GRIK2: variants seen among roughly 807,000 people sequenced by gnomAD.
GRIK2 encodes the protein glutamate receptor ionotropic, kainate 2.
In GRIK2, 32 loss-of-function variants were observed where a neutral mutation model predicts 100.3. The observed-to-expected ratio is 0.32, with a 90% CI of 0.24 to 0.43. The LOEUF is 0.43. Ranked by LOEUF, GRIK2 falls within the 20% of genes least tolerant of loss-of-function variation. The pLI, the probability that GRIK2 is intolerant of heterozygous loss-of-function variation, is 1.00. For missense variants in GRIK2, 843 were observed against 1,114.9 expected, an observed-to-expected ratio of 0.76 and a Z score of 3.47; for synonymous variants, 417 against 389.4, an observed-to-expected ratio of 1.07 and a Z score of -0.83.
intron 4 of GRIK2, among the ~76,000 whole-genome samples, chr6:101,649,765 G>C (rs1781702263): frequency 6.6e-6 from 1 of 152,096 alleles, no homozygotes; most frequent in Non-Finnish European, 1.5e-5. Flanking sequence ...AGGGAAATTA[G>C]ACCAGGTGCC....
chr6:101,521,681 A>G (rs1319520313), intron 2 of GRIK2, among the ~76,000 whole-genome samples: 2 of 151,938 alleles, frequency 1.3e-5, no homozygotes, highest in African/African-American at 2.4e-5. Context: ...TAAAACAATT[A>G]TGCAGAGGAT....
intron 10 of GRIK2, among the ~76,000 whole-genome samples, chr6:101,850,470 A>G (rs1277817378): frequency 6.6e-6 from 1 of 152,042 alleles, no homozygotes. Flanking sequence ...TGAGTAAGAC[A>G]CTGATATCTC....
chr6:101,904,095 C>T (rs897135322), intron 12 of GRIK2, among the ~76,000 whole-genome samples: 5 of 151,116 alleles, frequency 3.3e-5, no homozygotes, highest in African/African-American at 9.7e-5. Flanking sequence ...TCTATTATCT[C>T]TAATTTTATG....
At chr6:101,758,781 CT>C (rs1008145035) in intron 7 of GRIK2, among the ~76,000 whole-genome samples, 160 of 152,174 alleles carry the variant, frequency 1.1e-3, no homozygotes, top group Non-Finnish European at 1.7e-3. Context: ...GGGAATCATT[CT>C]TTTTTTGAAA....
chr6:101,791,148 C>G (rs1049248273), intron 7 of GRIK2, among the ~76,000 whole-genome samples: 42 of 152,038 alleles, frequency 2.8e-4, no homozygotes, highest in African/African-American at 1.0e-3. Flanking sequence ...TTGATCCTTT[C>G]AAAAAACCAG....
intron 2 of GRIK2, among the ~76,000 whole-genome samples, chr6:101,534,522 T>C (rs1342159638): frequency 6.6e-6 from 1 of 151,902 alleles, no homozygotes; most frequent in Non-Finnish European, 1.5e-5. Flanking sequence ...TTATGTGAGA[T>C]GCATTCCTAA....
At chr6:101,561,876 G>A (rs1777036867) in intron 2 of GRIK2, among the ~76,000 whole-genome samples, 1 of 152,188 alleles carries the variant, frequency 6.6e-6, no homozygotes, top group Admixed American at 6.5e-5. Context: ...GGCACCGAGT[G>A]AAGGTGTCCA....
intron 10 of GRIK2, among the ~76,000 whole-genome samples, chr6:101,844,550 G>T (rs1266526173): frequency 1.3e-5 from 2 of 152,098 alleles, no homozygotes; most frequent in African/African-American, 4.8e-5. Flanking sequence ...TTGCTCATAA[G>T]CACTAGTAAA....
chr6:101,456,523 A>G (rs1480662529), intron 2 of GRIK2, among the ~76,000 whole-genome samples: 1 of 152,136 alleles, frequency 6.6e-6, no homozygotes, highest in East Asian at 1.9e-4. Flanking sequence ...TCTGAAATAA[A>G]CATTTTCTAT....
At chr6:101,935,715 A>G (rs984656502) in intron 14 of GRIK2, among the ~76,000 whole-genome samples, 4 of 151,996 alleles carry the variant, frequency 2.6e-5, no homozygotes, top group Non-Finnish European at 4.4e-5. Flanking sequence ...CTACCCTATA[A>G]TATTTAGTGA....
intron 10 of GRIK2, among the ~76,000 whole-genome samples, chr6:101,852,636 TA>T (rs1308488913): frequency 6.6e-6 from 1 of 152,192 alleles, no homozygotes; most frequent in African/African-American, 2.4e-5. Context: ...AAGGCTTACA[TA>T]TAAATCATCA....
intron 9 of GRIK2, among the ~76,000 whole-genome samples, chr6:101,810,759 C>T (rs779193457): frequency 1.3e-5 from 2 of 151,990 alleles, no homozygotes; most frequent in Admixed American, 1.3e-4. Context: ...CTCTACTTTT[C>T]ATTTAACTAT....
chr6:101,554,578 C>T (rs1776654894), intron 2 of GRIK2, among the ~76,000 whole-genome samples: 1 of 152,084 alleles, frequency 6.6e-6, no homozygotes, highest in Non-Finnish European at 1.5e-5. Context: ...GGTTAGGTGA[C>T]CTCTGAGAAC....
At chr6:101,842,393 C>T (rs1227424951) in intron 10 of GRIK2, among the ~76,000 whole-genome samples, 2 of 152,096 alleles carry the variant, frequency 1.3e-5, no homozygotes, top group African/African-American at 4.8e-5. Flanking sequence ...ATTTAACTGA[C>T]TGACTTGGGA....
chr6:101,832,978 G>A (rs114640198), intron 10 of GRIK2, among the ~76,000 whole-genome samples: 19 of 152,038 alleles, frequency 1.2e-4, no homozygotes, highest in Non-Finnish European at 1.5e-4. Context: ...TTAAAATAAC[G>A]TTAAAGGAGA....
chr6:101,963,598 C>A (rs1223047), intron 14 of GRIK2, among the ~76,000 whole-genome samples: 1 of 146,416 alleles, frequency 6.8e-6, no homozygotes. Context: ...GTGATCCACC[C>A]GCCTCGCCCT....
chr6:101,735,320 G>T (rs890044092), intron 7 of GRIK2, among the ~76,000 whole-genome samples: 6 of 152,236 alleles, frequency 3.9e-5, no homozygotes, highest in Non-Finnish European at 8.8e-5. Flanking sequence ...GGCTCCTATT[G>T]TATTCAATAT....
chr6:101,870,981 A>G (rs1785378423), intron 11 of GRIK2, among the ~76,000 whole-genome samples: 1 of 151,902 alleles, frequency 6.6e-6, no homozygotes, highest in South Asian at 2.1e-4. Context: ...CAAAATAAAC[A>G]TACACAAAAA....
At chr6:101,982,043 C>G (rs1226682470) in intron 14 of GRIK2, among the ~76,000 whole-genome samples, 1 of 151,834 alleles carries the variant, frequency 6.6e-6, no homozygotes, top group Non-Finnish European at 1.5e-5. Flanking sequence ...CTGCCAGGCA[C>G]TATATTTTCA....
Sources: allele counts gnomAD v4.1 joint callset (sites outside exome capture counted in the v4.1 genomes callset), GRCh38; gene constraint gnomAD v4.1.1; transcripts MANE v1.5; gene names NCBI Gene and HGNC (gene_info 2026-07-23, HGNC 2026-07-21).